The following NRG1 variants were observed in gnomAD, a reference collection of about 807,000 sequenced individuals.
NRG1 encodes pro-neuregulin-1, membrane-bound isoform.
A neutral mutation model predicts 63.8 loss-of-function variants in NRG1; 18 were observed. The ratio of observed to expected loss-of-function variants is 0.28; its 90% CI spans 0.19 to 0.42. The LOEUF (loss-of-function observed/expected upper bound fraction) is 0.42, where lower values mean the gene tolerates loss of function less well. NRG1 is among the 10% of genes least tolerant of loss of function. The pLI is 1.00. For missense variants in NRG1, 762 were observed against 814.7 expected (o/e 0.94, Z 0.79); for synonymous variants, 302 against 301.3 (o/e 1.00, Z -0.02).
chr8:32,137,223 A>T lies in NRG1; in HGVS notation c.38-458605A>T, dbSNP rs541470743. Among the ~76,000 whole-genome samples the T allele has an allele frequency of 2.0e-5, 3 of 152,260 alleles. No homozygotes were observed. The East Asian group carries it at 5.8e-4, about 30-fold the overall frequency. On this transcript the variant is annotated intron_variant, in intron 1 of 10. Coordinates refer to the NRG1 transcript ENST00000519301. Reference sequence around the variant, plus strand: ...CACTTTGGGAGGCCGAGGCGGGTGGATCATTTGAGGTCACGAGTTCAAGAC... The same window carrying T: ...CACTTTGGGAGGCCGAGGCGGGTGGTTCATTTGAGGTCACGAGTTCAAGAC...
At chr8:31,724,771 A>G (rs577544619) in intron 1 of NRG1, among the ~76,000 whole-genome samples, 30 of 152,208 alleles carry the variant, frequency 2.0e-4, no homozygotes, top group African/African-American at 7.0e-4. Context: ...TTTTTTCTGT[A>G]GAATTTGTGT....
intron 1 of NRG1, among the ~76,000 whole-genome samples, chr8:32,095,853 C>G (rs1057504130): frequency 2.0e-5 from 3 of 151,950 alleles, no homozygotes; most frequent in Non-Finnish European, 2.9e-5. Flanking sequence ...TTCTTCTTCA[C>G]TGAATGGGAG....
intron 3 of NRG1, among the ~76,000 whole-genome samples, chr8:32,611,943 A>G (rs1354163323): frequency 6.6e-6 from 1 of 152,100 alleles, no homozygotes; most frequent in African/African-American, 2.4e-5. Context: ...CCTTTCTAGA[A>G]GATATCTTTG....
chr8:32,116,385 A>G (rs1181589796), intron 1 of NRG1, among the ~76,000 whole-genome samples: 2 of 152,200 alleles, frequency 1.3e-5, no homozygotes, highest in African/African-American at 4.8e-5. Context: ...GAGGGGCTAC[A>G]GCACTAAATG....
At chr8:32,075,271 C>T (rs979080558) in intron 1 of NRG1, among the ~76,000 whole-genome samples, 4 of 147,734 alleles carry the variant, frequency 2.7e-5, no homozygotes, top group Non-Finnish European at 4.5e-5. Context: ...ATTACTTATA[C>T]CCTAACAAGG....
At chr8:32,320,632 G>A (rs1801276969) in intron 1 of NRG1, among the ~76,000 whole-genome samples, 2 of 152,142 alleles carry the variant, frequency 1.3e-5, no homozygotes, top group Non-Finnish European at 2.9e-5. Context: ...AGAAAAGCAA[G>A]GGGAAATCTG....
chr8:32,309,617 C>T (rs558232015), intron 1 of NRG1, among the ~76,000 whole-genome samples: 1 of 152,226 alleles, frequency 6.6e-6, no homozygotes, highest in Non-Finnish European at 1.5e-5. Context: ...ACAGTTATGC[C>T]CTATTGTTTT....
intron 1 of NRG1, among the ~76,000 whole-genome samples, chr8:31,817,396 TAC>T (rs1386784444): frequency 6.6e-6 from 1 of 152,208 alleles, no homozygotes; most frequent in African/African-American, 2.4e-5. Context: ...AGTGCCTAGC[TAC>T]ACACTCTATT....
chr8:32,688,491 A>G (rs1225203472), intron 5 of NRG1, among the ~76,000 whole-genome samples: 2 of 152,216 alleles, frequency 1.3e-5, no homozygotes, highest in Admixed American at 6.5e-5. Context: ...CAAAAATCTT[A>G]TGATCAAATC....
chr8:32,176,757 G>C (rs569404466), intron 1 of NRG1, among the ~76,000 whole-genome samples: 13 of 152,254 alleles, frequency 8.5e-5, no homozygotes, highest in Non-Finnish European at 1.5e-5. Flanking sequence ...TCAGAGAAAT[G>C]CAAATCAAAA....
chr8:32,769,225 A>G (rs1005437212), downstream of NRG1, among the ~76,000 whole-genome samples: 2 of 152,184 alleles, frequency 1.3e-5, no homozygotes, highest in African/African-American at 4.8e-5. Flanking sequence ...ATAAGCAGCT[A>G]TTGTAGTAAT....
chr8:32,369,464 A>T (rs1248231457), intron 1 of NRG1, among the ~76,000 whole-genome samples: 2 of 152,240 alleles, frequency 1.3e-5, no homozygotes, highest in African/African-American at 2.4e-5. Flanking sequence ...CTCTGAGAAC[A>T]GGTATTGAGA....
At chr8:32,480,846 G>A (rs535317995) in intron 1 of NRG1, among the ~76,000 whole-genome samples, 14 of 152,044 alleles carry the variant, frequency 9.2e-5, no homozygotes, top group Non-Finnish European at 2.1e-4. Context: ...ACTCATTATC[G>A]TGAGAACAAC....
intron 1 of NRG1, among the ~76,000 whole-genome samples, chr8:32,355,403 G>A (rs564313076): frequency 2.0e-5 from 3 of 152,078 alleles, no homozygotes; most frequent in Non-Finnish European, 2.9e-5. Context: ...AGGTTGCACC[G>A]ATCTGAGATT....
exon 3 of NRG1, chr8:32,605,646 C>T (rs1317459926): frequency 1.9e-6 from 3 of 1,613,324 alleles, no homozygotes; most frequent in Non-Finnish European, 2.5e-6. Flanking sequence ...TAGGAAATGA[C>T]AGTGCCTCTG....
At chr8:32,147,317 A>G (rs957294708) in intron 1 of NRG1, among the ~76,000 whole-genome samples, 6 of 152,232 alleles carry the variant, frequency 3.9e-5, no homozygotes, top group African/African-American at 1.2e-4. Flanking sequence ...GATATTCACC[A>G]TAGTTTTGTT....
intron 1 of NRG1, among the ~76,000 whole-genome samples, chr8:31,892,428 C>T (rs189232798): frequency 1.6e-4 from 24 of 152,166 alleles, no homozygotes; most frequent in African/African-American, 5.3e-4. Flanking sequence ...TTTAGGATAA[C>T]TTCACAATCT....
chr8:32,338,630 A>G (rs1208315382), intron 1 of NRG1, among the ~76,000 whole-genome samples: 1 of 152,182 alleles, frequency 6.6e-6, no homozygotes. Flanking sequence ...CTTCATTCTC[A>G]ATGAGCCCCA....
intron 1 of NRG1, among the ~76,000 whole-genome samples, chr8:32,479,903 C>T (rs1281449524): frequency 2.0e-5 from 3 of 152,112 alleles, no homozygotes; most frequent in Non-Finnish European, 2.9e-5. Flanking sequence ...CCACCTTGGC[C>T]TCCCAAAGCG....
Sources: allele counts gnomAD v4.1 joint callset (sites outside exome capture counted in the v4.1 genomes callset), GRCh38; gene constraint gnomAD v4.1.1; transcripts MANE v1.5; gene names NCBI Gene and HGNC (gene_info 2026-07-23, HGNC 2026-07-21).